CELF2: variants seen among roughly 807,000 people sequenced by gnomAD.
CELF2 encodes CUG triplet repeat RNA-binding protein 2.
A neutral mutation model predicts 62.6 loss-of-function variants in CELF2; 8 were observed. The ratio of observed to expected loss-of-function variants is 0.13; its 90% CI spans 0.07 to 0.23. CELF2 has a LOEUF of 0.23. CELF2 is among the 10% of genes least tolerant of loss of function. The pLI is 1.00. For synonymous variants in CELF2, 258 were observed against 250.0 expected, an observed-to-expected ratio of 1.03 and a Z score of -0.30; for missense variants, 333 against 671.0, an observed-to-expected ratio of 0.50 and a Z score of 5.56.
intron 1 of CELF2, among the ~76,000 whole-genome samples, chr10:10,827,357 C>T (rs2057479326): frequency 6.6e-6 from 1 of 152,170 alleles, no homozygotes; most frequent in Non-Finnish European, 1.5e-5. Flanking sequence ...CTAACACTCT[C>T]ACTTCTTCAT....
intron 2 of CELF2, among the ~76,000 whole-genome samples, chr10:10,985,388 T>C (rs2052626283): frequency 6.6e-6 from 1 of 152,168 alleles, no homozygotes; most frequent in African/African-American, 2.4e-5. Context: ...AAGTAATTTG[T>C]AATTGACAAT....
the CELF2 span, among the ~76,000 whole-genome samples, chr10:10,473,076 T>C: frequency 3.3e-5 from 5 of 152,002 alleles, no homozygotes; most frequent in Admixed American, 1.3e-4. Context: ...CCTCAAAAAA[T>C]ACGTTGAAGT....
At chr10:10,917,192 C>T (rs1023606200) in intron 1 of CELF2, among the ~76,000 whole-genome samples, 8 of 152,170 alleles carry the variant, frequency 5.3e-5, no homozygotes, top group African/African-American at 1.9e-4. Context: ...GAGACTTAAG[C>T]AGCTGGAGCC....
chr10:10,690,286 C>G, the CELF2 span, among the ~76,000 whole-genome samples: 1 of 152,122 alleles, frequency 6.6e-6, no homozygotes, highest in Non-Finnish European at 1.5e-5. Context: ...ATACGATGTC[C>G]TCCAGACTGT....
At chr10:11,016,128 C>A (rs1411498114), upstream of CELF2, among the ~76,000 whole-genome samples, 3 of 152,142 alleles carry the variant, frequency 2.0e-5, no homozygotes, top group Non-Finnish European at 4.4e-5. The surrounding 1 kb of genome is among the most constrained non-coding windows in gnomAD (Gnocchi z 5.2). Context: ...AAACCAAGAA[C>A]TGCCAAGGTT....
At chr10:11,262,540 T>C (rs894454452) in intron 5 of CELF2, among the ~76,000 whole-genome samples, 6 of 152,196 alleles carry the variant, frequency 3.9e-5, no homozygotes, top group African/African-American at 4.8e-5. Flanking sequence ...TCCAATCTTA[T>C]CTCAGTGATG....
chr10:10,843,374 T>C (rs2058808278), intron 1 of CELF2, among the ~76,000 whole-genome samples: 1 of 152,052 alleles, frequency 6.6e-6, no homozygotes, highest in African/African-American at 2.4e-5. Flanking sequence ...TTTAATTTCA[T>C]AACCTAGAAT....
intron 1 of CELF2, among the ~76,000 whole-genome samples, chr10:10,849,696 C>G (rs200587407): frequency 1.3e-5 from 2 of 152,078 alleles, no homozygotes; most frequent in Non-Finnish European, 2.9e-5. Context: ...CAATCTGGCT[C>G]GCTCTCCAAT....
rs1021209811 is a variant in CELF2 at position 11,237,546 on chromosome 10, A to G, written c.355-11607A>G. On this transcript the variant is annotated intron_variant, in intron 3 of 12. Coordinates refer to ENST00000633077, the MANE Select transcript of CELF2 (RefSeq NM_001326342.2). The surrounding 1 kb of genome is among the most constrained non-coding windows in gnomAD (Gnocchi z 4.0). Reference sequence around the variant, plus strand: ...GGAGACTTGTTCCCAATTTGAGGCCAGCACATGTACCAGGTCGTCAAGGGG... The same window carrying G: ...GGAGACTTGTTCCCAATTTGAGGCCGGCACATGTACCAGGTCGTCAAGGGG... Among the ~76,000 whole-genome samples the G allele has an allele frequency of 1.1e-4, 17 of 152,232 alleles. No homozygotes were observed. The highest frequency in any genetic ancestry group is 4.1e-4 in the African/African-American group (17 of 41,458).
chr10:10,516,734 T>TG, the CELF2 span, among the ~76,000 whole-genome samples: 1 of 141,344 alleles, frequency 7.1e-6, no homozygotes, highest in Admixed American at 7.1e-5. Context: ...TCAGCATCAT[T>TG]AAAAAAAAAA....
intron 1 of CELF2, among the ~76,000 whole-genome samples, chr10:10,902,423 T>C (rs1034223196): frequency 6.6e-6 from 1 of 152,188 alleles, no homozygotes; most frequent in Admixed American, 6.5e-5. Context: ...TGAAAGGTAA[T>C]GAGATGTTTA....
intron 2 of CELF2, among the ~76,000 whole-genome samples, chr10:10,987,520 T>C (rs1270618775): frequency 6.6e-6 from 1 of 152,178 alleles, no homozygotes; most frequent in Non-Finnish European, 1.5e-5. Flanking sequence ...AGGTACATAG[T>C]CTTTGGGACT....
rs115488579 is a variant in CELF2, at chr10:11,324,418, A to G, written c.1295-1418A>G. ...CAGGTTTTGCATCTTTTCATGTTAAATTTTGATTCCCTTAAAACCAGAAAA... is the reference window on the plus strand; with the variant it reads ...CAGGTTTTGCATCTTTTCATGTTAAGTTTTGATTCCCTTAAAACCAGAAAA... On this transcript the variant is annotated intron_variant, in intron 11 of 12. Transcript: ENST00000633077. This position sits in a 1 kb window ranked among gnomAD's most constrained non-coding sequence, Gnocchi z 4.7. Among the ~76,000 whole-genome samples, 309 of 152,320 alleles carry G rather than the reference A, an allele frequency of 2.0e-3. 2 individuals carry two copies. The highest frequency in any genetic ancestry group is 7.2e-3 in the African/African-American group (300 of 41,574).
At chr10:10,498,823 C>T in the CELF2 span, among the ~76,000 whole-genome samples, 1,584 of 152,222 alleles carry the variant, frequency 0.01, 26 homozygotes, top group African/African-American at 0.036. Context: ...TAATGGAAAA[C>T]AATTAATGGT....
chr10:10,554,562 T>A, the CELF2 span, among the ~76,000 whole-genome samples: 3 of 152,172 alleles, frequency 2.0e-5, no homozygotes, highest in Non-Finnish European at 4.4e-5. Flanking sequence ...CTCTGTCCTC[T>A]GTGACTCCAG....
At chr10:11,158,958 G>A (rs1221251850) in intron 1 of CELF2, among the ~76,000 whole-genome samples, 1 of 152,210 alleles carries the variant, frequency 6.6e-6, no homozygotes, top group Non-Finnish European at 1.5e-5. Context: ...TAATACGTGT[G>A]TATGTACATA....
rs1381547648 is a variant in CELF2 at position 11,243,324 on chromosome 10, G to A, written c.355-5829G>A. ...AAATAGAGACCAAGAAGTTAACCATGTACCTTAACGTGCGGCTTTAGGCAA... is the reference window on the plus strand; with the variant it reads ...AAATAGAGACCAAGAAGTTAACCATATACCTTAACGTGCGGCTTTAGGCAA... On this transcript the variant is annotated intron_variant, in intron 3 of 12. Transcript: ENST00000633077. This position sits in a 1 kb window ranked among gnomAD's most constrained non-coding sequence, Gnocchi z 4.1. Among the ~76,000 whole-genome samples, 1 of 144,966 alleles carries A rather than the reference G, an allele frequency of 6.9e-6. No homozygotes were observed. The highest frequency in any genetic ancestry group is 2.6e-5 in the African/African-American group (1 of 38,804).
chr10:11,150,381 C>T (rs999924984), intron 1 of CELF2, among the ~76,000 whole-genome samples: 6 of 152,302 alleles, frequency 3.9e-5, no homozygotes, highest in African/African-American at 9.6e-5. Context: ...GAGGAACTTG[C>T]GATCCACCTT....
intron 2 of CELF2, among the ~76,000 whole-genome samples, chr10:11,172,740 C>G (rs1441788624): frequency 6.6e-6 from 1 of 152,184 alleles, no homozygotes; most frequent in African/African-American, 2.4e-5. Flanking sequence ...GAGCTAATAT[C>G]AAAGAAGAAA....
Sources: gnomAD v4.1 joint callset for allele counts (sites outside exome capture counted in the v4.1 genomes callset) on GRCh38, gnomAD v4.1.1 for gene constraint, Gnocchi (gnomAD v3.1) non-coding constraint, MANE v1.5 for transcripts, NCBI Gene and HGNC (gene_info 2026-07-23, HGNC 2026-07-21) for gene names.